Variants in FLNC observed in about 807,000 individuals in gnomAD.
FLNC encodes filamin C, also known as filamin-C.
Under a neutral mutation model 254.3 loss-of-function variants are expected in FLNC, and 91 were observed. The observed-to-expected ratio is 0.36, with a 90% CI of 0.30 to 0.43. The LOEUF (loss-of-function observed/expected upper bound fraction) is 0.43. FLNC is among the 20% of genes least tolerant of loss of function. The probability of loss-of-function intolerance (pLI) is 1.00; values close to 1 mark genes in which losing one functional copy is unlikely to be tolerated. For synonymous variants in FLNC, 1,430 were observed against 1,577.2 expected, an observed-to-expected ratio of 0.91 and a Z score of 2.21; for missense variants, 2,853 against 3,802.6, an observed-to-expected ratio of 0.75 and a Z score of 6.57.
chr7:128,843,922 G>C lies in FLNC; in HGVS notation c.2929+9G>C. The C allele has an allele frequency of 6.2e-7, 1 of 1,614,048 alleles. No homozygotes were observed. Among genetic ancestry groups the C allele is most frequent in the Non-Finnish European group, 8.5e-7 (1 of 1,179,986 alleles). ...TCAGGGCCTTAATAGCAGTAAGTGG[G>C]GCAAGAGCCACCCTGGGAGTGAGGG... On this transcript the variant is annotated intron_variant, in intron 19 of 47. Coordinates refer to ENST00000325888, the MANE Select transcript of FLNC (RefSeq NM_001458.5).
chr7:128,837,441 A>T lies in FLNC; in HGVS notation c.743A>T (p.His248Leu), dbSNP rs1479043458. 1.9e-6 allele frequency: 3 copies of T among 1,614,156 alleles called. No homozygotes were observed. Among genetic ancestry groups the T allele is most frequent in the Non-Finnish European group, 2.5e-6 (3 of 1,180,004 alleles). The part of the protein sequence containing the change: ...EEIVDPNVDE[H>L]SVMTYLSQFP... ...ATTGTGGACCCCAACGTGGATGAGC[A>T]TTCTGTTATGACCTACCTGTCCCAG... is the stretch of plus-strand genomic sequence containing the variant. The change falls in exon 4 of 48, where the codon CAT becomes CTT. Residue 248 changes from histidine (H) to leucine (L), a missense_variant. Around this residue, in one of 10 missense-constraint regions of FLNC, gnomAD observed 115 missense variants for 230.3 expected, o/e 0.50. Coordinates refer to ENST00000325888, the MANE Select transcript of FLNC (RefSeq NM_001458.5).
chr7:128,849,509 G>T lies in FLNC; in HGVS notation c.5130G>T (p.Glu1710Asp), dbSNP rs1292149269. The stretch of plus-strand genomic sequence containing the variant: ...TTGACATCTACTACACAGCGCCCGA[G>T]CCGGGCAAGTACGTCATCACCATCC... ...GTFDIYYTAPEPGKYVITIRF... is the reference protein window; with the variant it reads ...GTFDIYYTAPDPGKYVITIRF... The change falls in exon 30 of 48, where the codon GAG becomes GAT. Residue 1710 changes from glutamate (E) to aspartate (D), a missense_variant. Physicochemically the swap from Glu to Asp is conservative, Grantham distance 45. Around this residue, in one of 10 missense-constraint regions of FLNC, gnomAD observed 258 missense variants for 312.3 expected, o/e 0.83. Coordinates refer to ENST00000325888, the MANE Select transcript of FLNC (RefSeq NM_001458.5). The T allele has an allele frequency of 6.2e-7, 1 of 1,614,102 alleles. No individual in the cohort carries two copies. Among genetic ancestry groups the T allele is most frequent in the Non-Finnish European group, 8.5e-7 (1 of 1,180,040 alleles).
Position 128,840,128 on chromosome 7 carries a change from G to T in FLNC, c.1517G>T (p.Ser506Ile). ...DFKVFTKGAG[S>I]GELKVTVKGP... ...AAGGTGTTTACCAAGGGTGCCGGCAGCGGGGAGCTCAAGGTCACGGTCAAG... is the reference window on the plus strand; with the variant it reads ...AAGGTGTTTACCAAGGGTGCCGGCATCGGGGAGCTCAAGGTCACGGTCAAG... The change falls in exon 9 of 48, where the codon AGC becomes ATC. Residue 506 changes from serine (S) to isoleucine (I), a missense_variant. Coordinates refer to ENST00000325888, the MANE Select transcript of FLNC (RefSeq NM_001458.5). 2 of 1,614,090 alleles carry T rather than the reference G, an allele frequency of 1.2e-6. No individual in the cohort carries two copies. The highest frequency in any genetic ancestry group is 1.7e-6 in the Non-Finnish European group (2 of 1,180,038).
In FLNC at chr7:128,835,656, T is replaced by C. The variant is rs775361666; in HGVS notation, c.601+82T>C. On this transcript the variant is annotated intron_variant, in intron 2 of 47. Coordinates refer to ENST00000325888, the MANE Select transcript of FLNC (RefSeq NM_001458.5). The surrounding 1 kb of genome is among the most constrained non-coding windows in gnomAD (Gnocchi z 5.3). ...AAGCTGGGGCTGCCAAGGCGTGTGG[T>C]TGTCAGAATGCACACCCTGGGGCCT... The C allele has an allele frequency of 1.3e-6, 2 of 1,495,674 alleles. No homozygotes were observed. Among genetic ancestry groups the C allele is most frequent in the African/African-American group, 1.4e-5 (1 of 72,758 alleles). The allele number at this position is 1,495,674 out of a possible 1,614,324, so 92.7% of individuals were successfully genotyped here.
At position 128,836,377 on chromosome 7, in the gene FLNC, C is replaced by A. The variant is rs906540828; in HGVS notation, c.602-783C>A. Among the ~76,000 whole-genome samples, 1 of 152,210 alleles carries A rather than the reference C, an allele frequency of 6.6e-6. No individual in the cohort carries two copies. The stretch of plus-strand genomic sequence containing the variant: ...CTGGGAAGCATTCCCAGCTGCTGAG[C>A]CATGGCCCATAACTGGTGTGGCTGC... On this transcript the variant is annotated intron_variant, in intron 2 of 47. Coordinates refer to ENST00000325888, the MANE Select transcript of FLNC (RefSeq NM_001458.5). The surrounding 1 kb of genome is among the most constrained non-coding windows in gnomAD (Gnocchi z 6.0).
In FLNC at chr7:128,841,558, C is replaced by G. The variant is rs758859689; in HGVS notation, c.2112C>G (p.Leu704=). The stretch of plus-strand genomic sequence containing the variant: ...CAGCTGGCAAGGGAGACCTGAAGCT[C>G]TATGCCCAGGTAGGTCATTGTCCAG... ...ARAAGKGDLK[L]YAQDADGCPI... is the part of the protein sequence containing the mutation. The change falls in exon 13 of 48, where the codon CTC becomes CTG. Residue 704 remains leucine (L), a synonymous_variant. Transcript: ENST00000325888. The surrounding 1 kb of genome is among the most constrained non-coding windows in gnomAD (Gnocchi z 4.3). The G allele has an allele frequency of 3.2e-5, 52 of 1,611,686 alleles. No homozygotes were observed. The highest frequency in any genetic ancestry group is 4.0e-5 in the Non-Finnish European group (47 of 1,177,832).
rs199778390 is a variant in FLNC, at chr7:128,854,739, G to A, written c.6998-36G>A. The stretch of plus-strand genomic sequence containing the variant: ...AGTCAGGGCAGCCAGTGTGAGGGGC[G>A]ATGATGCTGAAGTCCACTACCTTGC... On this transcript the variant is annotated intron_variant, in intron 41 of 47. Transcript: ENST00000325888. 1.3e-3 allele frequency: 2,092 copies of A among 1,613,424 alleles called. 1 individual carries two copies. The highest frequency in any genetic ancestry group is 1.6e-3 in the Non-Finnish European group (1,860 of 1,179,742).
chr7:128,833,884 A>C lies in FLNC; in HGVS notation c.353-1442A>C, dbSNP rs151072488. ...GCCAGGGGAAGGGGGTGGGCTGGGG[A>C]GCTGCTGGGGAAGGAAGGATGAATC... On this transcript the variant is annotated intron_variant, in intron 1 of 47. Transcript: ENST00000325888. Among the ~76,000 whole-genome samples, 1,391 of 151,468 alleles carry C rather than the reference A, an allele frequency of 9.2e-3. 20 individuals are homozygous for C. Among genetic ancestry groups the C allele is most frequent in the African/African-American group, 0.032 (1,322 of 41,190 alleles).
intron 18 of FLNC, 21 bp from the exon 19 acceptor site, chr7:128,843,775 A>T (rs1808438789): frequency 1.9e-6 from 3 of 1,605,774 alleles, no homozygotes; most frequent in Non-Finnish European, 2.6e-6. Context: ...TCCAGTTCTG[A>T]CCTACCATTG....
rs138193236 is a variant in FLNC, at chr7:128,846,396, C to G, written c.4060C>G (p.Arg1354Gly). 18 of 1,610,388 alleles carry G rather than the reference C, an allele frequency of 1.1e-5. No individual in the cohort carries two copies. The highest frequency in any genetic ancestry group is 4.5e-5 in the East Asian group (2 of 44,896). ...VTEGCDPTRV[R>G]AFGPGLEGGL... ...CGAGGGCTGTGATCCCACCCGCGTC[C>G]GAGCCTTCGGGCCAGGCCTGGAGGG... is the stretch of plus-strand genomic sequence containing the variant. Residue 1354 changes from arginine (R) to glycine (G), a missense_variant, in exon 23 of 48, where the codon CGA (arginine) becomes GGA (glycine). By Grantham distance (125) the Arg-to-Gly change is moderately radical. This residue lies in a region of FLNC where 1,573 missense variants were observed against 1,883.5 expected (regional missense o/e 0.84). Transcript: ENST00000325888.
In FLNC at chr7:128,849,981, T is replaced by G. The variant is rs781331939; in HGVS notation, c.5205T>G (p.Cys1735Trp). ...IPNSPFHVLA[C>W]DPLPHEEEPS... ...CCCGTGCCTTGCCTCCCCAGGCGTG[T>G]GACCCCCTGCCGCACGAGGAGGAGC... The change falls in exon 31 of 48, where the codon TGT (cysteine) becomes TGG (tryptophan). Residue 1735 changes from cysteine to tryptophan, a missense_variant. Transcript: ENST00000325888. 8 of 1,587,830 alleles carry G rather than the reference T, an allele frequency of 5.0e-6. No homozygotes were observed. The highest frequency in any genetic ancestry group is 6.0e-6 in the Non-Finnish European group (7 of 1,172,108).
rs1433997120 is a variant in FLNC, at chr7:128,850,906, C to T, written c.5502C>T (p.His1834=). ...ATGCACCCACTGAGAAAGGCCTGCA[C>T]CAGATGGGGATCAAGTATGACGGCA... ...VRYAPTEKGL[H]QMGIKYDGNH... The change falls in exon 33 of 48, where the codon CAC becomes CAT. Residue 1834 remains histidine (H), a synonymous_variant. Transcript: ENST00000325888. The T allele has an allele frequency of 1.2e-6, 2 of 1,613,660 alleles. No individual in the cohort carries two copies. Among genetic ancestry groups the T allele is most frequent in the Non-Finnish European group, 8.5e-7 (1 of 1,179,980 alleles).
rs1199428558 is a variant in FLNC at position 128,840,102 on chromosome 7, C to A, written c.1491C>A (p.Phe497Leu). ...TTCGCGTGAAAGAGGTGGCTGACTT[C>A]AAGGTGTTTACCAAGGGTGCCGGCA... ...KGVRVKEVAD[F>L]KVFTKGAGSG... The change falls in exon 9 of 48, where the codon TTC becomes TTA. Residue 497 changes from phenylalanine (F) to leucine (L), a missense_variant. Coordinates refer to ENST00000325888, the MANE Select transcript of FLNC (RefSeq NM_001458.5). 6.2e-7 allele frequency: 1 copy of A among 1,614,040 alleles called. No individual in the cohort carries two copies. The highest frequency in any genetic ancestry group is 8.5e-7 in the Non-Finnish European group (1 of 1,180,044).
intron 3 of FLNC, 52 bp from the exon 4 acceptor site, chr7:128,837,344 CTG>C: frequency 6.2e-7 from 1 of 1,612,956 alleles, no homozygotes; most frequent in South Asian, 1.1e-5. Context: ...CAGGGGGAGA[CTG>C]GGGCTGCTGG....
chr7:128,830,695 G>A lies in FLNC; in HGVS notation c.58G>A (p.Glu20Lys). Reference protein sequence around the residue: ...AGLGLGDETDEMPSTEKDLAE... With the variant: ...AGLGLGDETDKMPSTEKDLAE... ...CCTCGGCCTGGGCGATGAGACAGAC[G>A]AGATGCCGTCCACGGAGAAGGACCT... The change falls in exon 1 of 48, where the codon GAG becomes AAG. Residue 20 changes from glutamate to lysine, a missense_variant. Physicochemically the swap from Glu to Lys is moderately conservative, Grantham distance 56. Around this residue, in one of 10 missense-constraint regions of FLNC, gnomAD observed 37 missense variants for 32.7 expected, o/e 1.13. Coordinates refer to ENST00000325888, the MANE Select transcript of FLNC (RefSeq NM_001458.5). 3.1e-6 allele frequency: 5 copies of A among 1,612,882 alleles called. No homozygotes were observed. The highest frequency in any genetic ancestry group is 4.2e-6 in the Non-Finnish European group (5 of 1,179,974).
intron 7 of FLNC, 62 bp from the exon 8 acceptor site, chr7:128,838,541 G>T: frequency 1.2e-6 from 2 of 1,606,830 alleles, no homozygotes; most frequent in Non-Finnish European, 1.7e-6. Flanking sequence ...CAGCCTCAGG[G>T]TGAGGGCACC....
intron 1 of FLNC, among the ~76,000 whole-genome samples, chr7:128,833,624 C>G (rs1030246248): frequency 6.6e-6 from 1 of 152,332 alleles, no homozygotes; most frequent in African/African-American, 2.4e-5. Flanking sequence ...ACACCGCCCC[C>G]CCCAACCCCT....
In FLNC at chr7:128,850,792, C is replaced by T. The variant is rs762674887; in HGVS notation, c.5399-11C>T. The T allele has an allele frequency of 6.2e-7, 1 of 1,613,710 alleles. No homozygotes were observed. On this transcript the variant is annotated splice_polypyrimidine_tract_variant and intron_variant, in intron 32 of 47. Transcript: ENST00000325888. ...AACCAGGGTCTCCACGTAACTGTGTCTGCCCTGCAGGAGAGGTGCGGATGC... is the reference window on the plus strand; with the variant it reads ...AACCAGGGTCTCCACGTAACTGTGTTTGCCCTGCAGGAGAGGTGCGGATGC...
At position 128,842,922 on chromosome 7, in the gene FLNC, C is replaced by T. The variant is rs373514748; in HGVS notation, c.2518C>T (p.Arg840Cys). Residue 840 changes from arginine to cysteine, a missense_variant, in exon 16 of 48, where the codon CGC becomes TGC. This residue lies in a region of FLNC where 1,573 missense variants were observed against 1,883.5 expected (regional missense o/e 0.84). Coordinates refer to ENST00000325888, the MANE Select transcript of FLNC (RefSeq NM_001458.5). This position sits in a 1 kb window ranked among gnomAD's most constrained non-coding sequence, Gnocchi z 5.4. ...CAAGTACACGCCACCAGGGGCGGGCCGCTACACCATCATGGTGCTGTTTGC... is the reference window on the plus strand; with the variant it reads ...CAAGTACACGCCACCAGGGGCGGGCTGCTACACCATCATGGTGCTGTTTGC... ...TVKYTPPGAG[R>C]YTIMVLFANQ... 1.2e-5 allele frequency: 19 copies of T among 1,614,010 alleles called. No homozygotes were observed. The highest frequency in any genetic ancestry group is 2.2e-5 in the East Asian group (1 of 44,886).
Sources: allele counts gnomAD v4.1 joint callset (sites outside exome capture counted in the v4.1 genomes callset), GRCh38; gene constraint gnomAD v4.1.1; regional missense constraint gnomAD v4.1.1; non-coding constraint Gnocchi (gnomAD v3.1); transcripts MANE v1.5; gene names NCBI Gene and HGNC (gene_info 2026-07-23, HGNC 2026-07-21).